Variants in CRHBP observed in about 807,000 individuals in gnomAD.
The protein encoded by CRHBP is corticotropin-releasing hormone-binding protein.
CRHBP carries 19 observed loss-of-function variants against 34.9 expected under a neutral mutation model. That is an observed-to-expected ratio of 0.55 (90% CI 0.38 to 0.80). The LOEUF is 0.80. CRHBP is among the 30% of genes least tolerant of loss of function. The pLI is 0.00. For synonymous variants in CRHBP, 154 were observed against 153.4 expected (o/e 1.00, Z -0.03); for missense variants, 328 against 409.2 (o/e 0.80, Z 1.71).
At chr5:76,969,934 CTTTTTTTTTTTTTTTTTTTTT>C (rs201228247), downstream of CRHBP, among the ~76,000 whole-genome samples, 21 of 61,632 alleles carry the variant, frequency 3.4e-4, no homozygotes, top group Admixed American at 7.5e-4. Context: ...AAAGAAAATT[CTTTTTTTTTTTTTTTTTTTTT>C]TTTTTTTTTT....
chr5:76,972,990 CAG>C (rs1388932946), downstream of CRHBP, among the ~76,000 whole-genome samples: 1 of 152,192 alleles, frequency 6.6e-6, no homozygotes, highest in African/African-American at 2.4e-5. Context: ...GAGGCTTGAA[CAG>C]AGGACTCCAA....
At chr5:76,970,121 T>A (rs1745925062), downstream of CRHBP, among the ~76,000 whole-genome samples, 1 of 151,856 alleles carries the variant, frequency 6.6e-6, no homozygotes, top group Non-Finnish European at 1.5e-5. Context: ...AATTTTTGTA[T>A]TTTTGGTAGA....
chr5:76,957,974 CGTGGTGAAACCCT>C (rs957639897), intron 4 of CRHBP, among the ~76,000 whole-genome samples: 1 of 151,836 alleles, frequency 6.6e-6, no homozygotes, highest in Admixed American at 6.6e-5. Flanking sequence ...GCCTGGCCAA[CGTGGTGAAACCCT>C]GTCTCTACTA....
rs776100344 is a variant in CRHBP at position 76,958,728 on chromosome 5, C to T, written c.545-13C>T. On this transcript the variant is annotated splice_polypyrimidine_tract_variant and intron_variant, in intron 4 of 6. Transcript: ENST00000274368. ...GTAAAGGAAACGTGAATTTCTTTTT[C>T]TTTTCTACAAAGCTTGCAATGTCAT... 3 of 1,595,188 alleles carry T rather than the reference C, an allele frequency of 1.9e-6. No individual in the cohort carries two copies. The highest frequency in any genetic ancestry group is 1.7e-6 in the Non-Finnish European group (2 of 1,174,874).
rs754552478 is a variant in CRHBP at position 76,955,767 on chromosome 5, A to C, written c.448A>C (p.Ile150Leu). The change falls in exon 4 of 7, where the codon ATC (isoleucine) becomes CTC (leucine). Residue 150 changes from isoleucine to leucine, a missense_variant. This residue lies in a region of CRHBP where 173 missense variants were observed against 172.2 expected (regional missense o/e 1.00). Transcript: ENST00000274368. The part of the protein sequence containing the change: ...FCESGLSRRS[I>L]RSSQNVAMIF... ...TGAGAGTGGTCTTAGCAGGAGGAGCATCAGATCTTCCCAGAATGTGGCCAT... is the reference window on the plus strand; with the variant it reads ...TGAGAGTGGTCTTAGCAGGAGGAGCCTCAGATCTTCCCAGAATGTGGCCAT... 6.2e-7 allele frequency: 1 copy of C among 1,614,222 alleles called. No individual in the cohort carries two copies. Among genetic ancestry groups the C allele is most frequent in the Non-Finnish European group, 8.5e-7 (1 of 1,180,042 alleles).
At chr5:76,976,460 T>C (rs1746036702) in exon 3 of CRHBP, 1 of 152,236 alleles carries the variant, frequency 6.6e-6, no homozygotes, top group South Asian at 2.1e-4. Flanking sequence ...GATCTAGACC[T>C]ATAAGTATAG....
At chr5:76,975,803 CAAAAAA>C (rs1158363151) in intron 2 of CRHBP, among the ~76,000 whole-genome samples, 1 of 35,218 alleles carries the variant, frequency 2.8e-5, no homozygotes, top group African/African-American at 1.3e-4. Context: ...GACTCTGTCT[CAAAAAA>C]AAAAAAAAAA....
chr5:76,956,539 T>C (rs1745671351), intron 4 of CRHBP, among the ~76,000 whole-genome samples: 1 of 152,254 alleles, frequency 6.6e-6, no homozygotes, highest in Middle Eastern at 3.4e-3. Flanking sequence ...ATCCAGACCG[T>C]CCTGGCTAAC....
At chr5:76,977,526 A>G (rs574669048) in intron 3 of CRHBP, among the ~76,000 whole-genome samples, 1 of 152,118 alleles carries the variant, frequency 6.6e-6, no homozygotes, top group East Asian at 1.9e-4. Context: ...TGTTGTTACT[A>G]TTGTAATTGT....
At chr5:76,979,000 T>C (rs1413325638) in intron 3 of CRHBP, among the ~76,000 whole-genome samples, 5 of 152,174 alleles carry the variant, frequency 3.3e-5, no homozygotes, top group Non-Finnish European at 7.3e-5. Context: ...TTTTAGGAAA[T>C]TGCCACAGCT....
At chr5:76,973,883 A>C (rs1005841790), downstream of CRHBP, among the ~76,000 whole-genome samples, 2 of 152,122 alleles carry the variant, frequency 1.3e-5, no homozygotes, top group Admixed American at 1.3e-4. Flanking sequence ...AGCTCACTGC[A>C]ATCTCTGCCT....
Position 76,953,717 on chromosome 5 carries a change from G to C in CRHBP, c.175+23G>C, listed in dbSNP as rs374642310. The C allele has an allele frequency of 2.0e-4, 313 of 1,585,078 alleles. 1 individual carries two copies. The African/African-American group carries it at 3.3e-3, about 17-fold the overall frequency. On this transcript the variant is annotated intron_variant, in intron 2 of 6. Transcript: ENST00000274368. ...TGCGTGAGTCGAGGCTGCCCGGCTC[G>C]CGGGCGCCCGGGACGCGGGGAAGGT...
At chr5:76,976,924 T>C (rs1436804405) in intron 3 of CRHBP, among the ~76,000 whole-genome samples, 2 of 152,150 alleles carry the variant, frequency 1.3e-5, no homozygotes. Flanking sequence ...AATAGGGTGG[T>C]CCATTGGCAA....
chr5:76,974,413 A>G (rs1277709874), downstream of CRHBP, among the ~76,000 whole-genome samples: 3 of 151,754 alleles, frequency 2.0e-5, no homozygotes, highest in African/African-American at 7.3e-5. Context: ...CAGCCTCCCA[A>G]AGTGCTGGGA....
At chr5:76,963,318 T>C (rs755914718) in intron 5 of CRHBP, 25 bp from the exon 6 acceptor site, 2 of 1,602,550 alleles carry the variant, frequency 1.2e-6, no homozygotes, top group South Asian at 2.2e-5. Flanking sequence ...TAAATGTGTC[T>C]TTCTCTGCTG....
Position 76,968,858 on chromosome 5 carries a change from CG to C in CRHBP, c.946del (p.Glu316AsnfsTer9), listed in dbSNP as rs767125968. The part of the protein sequence containing the change: ...ELENPNGNSI[G>X]EFCLSGL ...TGGAAAACCCAAATGGAAACAGTATCGGGGAATTCTGTTTGTCTGGTCTTTG... is the reference window on the plus strand; with the variant it reads ...TGGAAAACCCAAATGGAAACAGTATCGGGAATTCTGTTTGTCTGGTCTTTG... On this transcript the variant is annotated frameshift_variant, in exon 7 of 7. Transcript: ENST00000274368. LOFTEE classifies it high-confidence loss of function. The C allele has an allele frequency of 6.2e-7, 1 of 1,613,874 alleles. No homozygotes were observed. Among genetic ancestry groups the C allele is most frequent in the Non-Finnish European group, 8.5e-7 (1 of 1,179,924 alleles).
intron 6 of CRHBP, among the ~76,000 whole-genome samples, chr5:76,964,579 C>T (rs535549294): frequency 1.3e-5 from 2 of 152,172 alleles, no homozygotes; most frequent in Non-Finnish European, 2.9e-5. Flanking sequence ...GTAGGCTAGG[C>T]GCGGTGTCTC....
At chr5:76,967,945 C>G (rs933574331) in intron 6 of CRHBP, among the ~76,000 whole-genome samples, 3 of 152,106 alleles carry the variant, frequency 2.0e-5, no homozygotes, top group African/African-American at 7.2e-5. Context: ...GATCCACCCA[C>G]GTCGGCCTCC....
intron 3 of CRHBP, among the ~76,000 whole-genome samples, chr5:76,978,846 C>G (rs976709034): frequency 2.6e-5 from 4 of 152,218 alleles, no homozygotes; most frequent in Non-Finnish European, 5.9e-5. Context: ...GTTGATAAAG[C>G]AGCAGCAGAG....
Sources: gnomAD v4.1 joint callset for allele counts (sites outside exome capture counted in the v4.1 genomes callset) on GRCh38, gnomAD v4.1.1 for gene constraint, gnomAD v4.1.1 regional missense constraint, MANE v1.5 for transcripts, NCBI Gene and HGNC (gene_info 2026-07-23, HGNC 2026-07-21) for gene names.